The following ARHGAP29 variants were observed in gnomAD, a reference collection of about 807,000 sequenced individuals.
The protein encoded by ARHGAP29 is Rho GTPase activating protein 29, also known as rho GTPase-activating protein 29.
In ARHGAP29, 43 loss-of-function variants were observed where a neutral mutation model predicts 122.6. That is an observed-to-expected ratio of 0.35 (90% confidence interval 0.27 to 0.45). The LOEUF (loss-of-function observed/expected upper bound fraction) is 0.45, where lower values mean the gene tolerates loss of function less well. ARHGAP29 is among the 20% of genes least tolerant of loss of function. The probability of loss-of-function intolerance (pLI) is 1.00; values close to 1 mark genes in which losing one functional copy is unlikely to be tolerated. For synonymous variants in ARHGAP29, 506 were observed against 497.1 expected (o/e 1.02, Z -0.24); for missense variants, 1,303 against 1,477.2 (o/e 0.88, Z 1.93).
At chr1:94,300,119 TCTTC>T in the ARHGAP29 span, among the ~76,000 whole-genome samples, 1 of 152,200 alleles carries the variant, frequency 6.6e-6, no homozygotes, top group African/African-American at 2.4e-5. Context: ...CACCTGTACT[TCTTC>T]CTTCTTGCTG....
chr1:94,260,506 G>A (rs1654519041), intron 1 of ARHGAP29, among the ~76,000 whole-genome samples: 1 of 152,082 alleles, frequency 6.6e-6, no homozygotes, highest in Non-Finnish European at 1.5e-5. Context: ...TCGTCTGTAG[G>A]CCTGTCAGTG....
chr1:94,210,766 G>A (rs1651541044), intron 3 of ARHGAP29, among the ~76,000 whole-genome samples: 1 of 152,120 alleles, frequency 6.6e-6, no homozygotes, highest in South Asian at 2.1e-4. Flanking sequence ...GGCTGGGTGT[G>A]GTGGCTCATG....
At chr1:94,267,506 G>A (rs1654817503) in intron 1 of ARHGAP29, among the ~76,000 whole-genome samples, 1 of 152,108 alleles carries the variant, frequency 6.6e-6, no homozygotes, top group African/African-American at 2.4e-5. Flanking sequence ...AATAATCCAG[G>A]AAAAAGGCTT....
At position 94,179,710 on chromosome 1, in the gene ARHGAP29, A is replaced by G. The variant is rs368007344; in HGVS notation, c.2480+15T>C. 5 of 1,514,404 alleles carry G rather than the reference A, an allele frequency of 3.3e-6. No homozygotes were observed. The African/African-American group carries it at 7.0e-5, about 21-fold the overall frequency. The allele number at this position is 1,514,404 out of a possible 1,614,324, so 93.8% of individuals were successfully genotyped here. A position where few individuals can be genotyped will look rare whatever the true frequency, so the allele number is the denominator to read the frequency against. On this transcript the variant is annotated intron_variant, in intron 20 of 22. Transcript: ENST00000260526. ...TTGCCCATTAATAAATGTTCTAGTTATATAAAATTCTTACCGCTTTAGATG... is the reference window on the plus strand; with the variant it reads ...TTGCCCATTAATAAATGTTCTAGTTGTATAAAATTCTTACCGCTTTAGATG...
upstream of ARHGAP29, among the ~76,000 whole-genome samples, chr1:94,239,485 C>G (rs1023735182): frequency 6.6e-6 from 1 of 151,202 alleles, no homozygotes; most frequent in South Asian, 2.1e-4. Context: ...GAGAAAGGAG[C>G]TCACAAGGAG....
upstream of ARHGAP29, among the ~76,000 whole-genome samples, chr1:94,242,478 T>C (rs1653631095): frequency 6.6e-6 from 1 of 152,014 alleles, no homozygotes; most frequent in Non-Finnish European, 1.5e-5. Flanking sequence ...AATGAAAGTA[T>C]ACAGTAAGGT....
Position 94,171,732 on chromosome 1 carries a change from C to A in ARHGAP29, c.*2137G>T, listed in dbSNP as rs1648750965. 1 of 152,040 alleles carries A rather than the reference C, an allele frequency of 6.6e-6. No homozygotes were observed. The highest frequency in any genetic ancestry group is 2.1e-4 in the South Asian group (1 of 4,828). 9.4% of individuals were successfully genotyped at this position (152,040 alleles called of 1,614,324 possible). On this transcript the variant is annotated 3_prime_UTR_variant, in exon 23 of 23. Coordinates refer to ENST00000260526, the MANE Select transcript of ARHGAP29 (RefSeq NM_004815.4). ...CAGGGAGCCCTAAAGGCAGAAAGGA[C>A]CCAAAAGTGAAATTCTCATTTTTAA...
chr1:94,217,811 T>C (rs919295406), intron 3 of ARHGAP29, among the ~76,000 whole-genome samples: 3 of 151,902 alleles, frequency 2.0e-5, no homozygotes, highest in African/African-American at 7.3e-5. Flanking sequence ...AACATGCTAC[T>C]GCACTGCAGC....
the ARHGAP29 span, among the ~76,000 whole-genome samples, chr1:94,311,761 A>G: frequency 2.6e-5 from 4 of 152,220 alleles, no homozygotes; most frequent in Non-Finnish European, 5.9e-5. Flanking sequence ...CTGAAAAAAT[A>G]AAAGCATAGT....
At chr1:94,211,287 CAAAAAAAAA>C (rs71094285) in intron 3 of ARHGAP29, among the ~76,000 whole-genome samples, 7 of 36,004 alleles carry the variant, frequency 1.9e-4, no homozygotes, top group African/African-American at 3.3e-4. Context: ...GCTCTGGCTC[CAAAAAAAAA>C]AAAAAAAAAA....
At chr1:94,296,852 T>C in the ARHGAP29 span, among the ~76,000 whole-genome samples, 1 of 152,218 alleles carries the variant, frequency 6.6e-6, no homozygotes. Context: ...GATTCAAGTC[T>C]CAAATAGTTG....
At chr1:94,282,103 T>C in the ARHGAP29 span, among the ~76,000 whole-genome samples, 2 of 151,984 alleles carry the variant, frequency 1.3e-5, no homozygotes, top group African/African-American at 2.4e-5. Flanking sequence ...AATCTATGTT[T>C]TTTAAAAACA....
At chr1:94,301,893 AGTTTTCTCAT>A in the ARHGAP29 span, 1 of 153,932 alleles carries the variant, frequency 6.5e-6, no homozygotes, top group African/African-American at 2.4e-5. Flanking sequence ...CTCTAAGTCC[AGTTTTCTCAT>A]GATAAAACAG....
In ARHGAP29 at chr1:94,243,494, C is replaced by T. The variant is rs578092778; in HGVS notation, c.-32-11851G>A. On this transcript the variant is annotated intron_variant and NMD_transcript_variant, in intron 1 of 25. Transcript: ENST00000552844. ...AAGGGAAATTTTAATATATTTTGAA[C>T]TGAATGAAAATGAAAACCCATTTCA... 1.1e-4 allele frequency among the ~76,000 whole-genome samples: 16 copies of T among 151,828 alleles called. No homozygotes were observed. The East Asian group carries it at 2.9e-3, about 28-fold the overall frequency.
chr1:94,184,122 T>C (rs779482879), intron 19 of ARHGAP29, 29 bp downstream of exon 19: 3 of 1,590,224 alleles, frequency 1.9e-6, no homozygotes, highest in South Asian at 2.3e-5. Context: ...TTTAATTTAA[T>C]GGTGGGTTTC....
intron 1 of ARHGAP29, among the ~76,000 whole-genome samples, chr1:94,236,185 G>C (rs1653244191): frequency 6.6e-6 from 1 of 152,236 alleles, no homozygotes; most frequent in Admixed American, 6.5e-5. Flanking sequence ...GTGAGAAAGA[G>C]TTTTATCAAT....
At chr1:94,178,819 T>G (rs1465176269) in intron 20 of ARHGAP29, among the ~76,000 whole-genome samples, 1 of 152,186 alleles carries the variant, frequency 6.6e-6, no homozygotes, top group Non-Finnish European at 1.5e-5. Flanking sequence ...TCTACCTGGC[T>G]CAGTTTCTGC....
chr1:94,188,781 A>G, intron 15 of ARHGAP29, 56 bp downstream of exon 15: 1 of 1,402,390 alleles, frequency 7.1e-7, no homozygotes, highest in Non-Finnish European at 1.0e-6. Context: ...AAAAATACCT[A>G]AAAAAGGACT....
chr1:94,308,394 G>T, the ARHGAP29 span, among the ~76,000 whole-genome samples: 8 of 152,116 alleles, frequency 5.3e-5, no homozygotes, highest in Admixed American at 4.6e-4. Flanking sequence ...TTCCAGTTAG[G>T]TCATGCAGTC....
Sources: allele counts gnomAD v4.1 joint callset (sites outside exome capture counted in the v4.1 genomes callset), GRCh38; gene constraint gnomAD v4.1.1; transcripts MANE v1.5; gene names NCBI Gene and HGNC (gene_info 2026-07-23, HGNC 2026-07-21).